Variants in FRK observed in about 807,000 individuals in gnomAD.
FRK encodes the protein tyrosine-protein kinase FRK.
In FRK, 51 loss-of-function variants were observed where a neutral mutation model predicts 56.4. That is an observed-to-expected ratio of 0.90 (90% CI 0.72 to 1.14). The LOEUF (loss-of-function observed/expected upper bound fraction) is 1.14. FRK is among the 50% of genes most tolerant of loss of function. The pLI is 0.00. For missense variants in FRK, 570 were observed against 601.4 expected (o/e 0.95, Z 0.55); for synonymous variants, 245 against 217.9 (o/e 1.12, Z -1.10).
intron 2 of FRK, among the ~76,000 whole-genome samples, chr6:115,982,576 C>G (rs1364695500): frequency 6.6e-6 from 1 of 152,108 alleles, no homozygotes; most frequent in Non-Finnish European, 1.5e-5. Context: ...CCCTTAGTTA[C>G]AGCCTGCACT....
At chr6:116,004,942 G>A (rs933558698) in intron 1 of FRK, among the ~76,000 whole-genome samples, 3 of 151,922 alleles carry the variant, frequency 2.0e-5, no homozygotes, top group Non-Finnish European at 4.4e-5. Context: ...CTTTAAAAAT[G>A]TAAACACTCC....
chr6:116,045,961 C>T, intron 1 of FRK, among the ~76,000 whole-genome samples: 1 of 152,094 alleles, frequency 6.6e-6, no homozygotes, highest in Non-Finnish European at 1.5e-5. Flanking sequence ...AAACAAACAA[C>T]CCCATCAAAA....
chr6:115,992,911 A>G (rs756648380), intron 2 of FRK, among the ~76,000 whole-genome samples: 10 of 151,878 alleles, frequency 6.6e-5, no homozygotes, highest in Non-Finnish European at 1.0e-4. Flanking sequence ...TACCAAAGCA[A>G]TGCATAAACT....
intron 1 of FRK, among the ~76,000 whole-genome samples, chr6:116,009,398 G>C (rs897518683): frequency 6.6e-6 from 1 of 152,198 alleles, no homozygotes; most frequent in Non-Finnish European, 1.5e-5. Context: ...AAGTCCCCCA[G>C]CTGAATCTAA....
chr6:116,092,427 A>G, the FRK span, among the ~76,000 whole-genome samples: 1 of 152,114 alleles, frequency 6.6e-6, no homozygotes, highest in Non-Finnish European at 1.5e-5. Flanking sequence ...TAAGGTCCCA[A>G]TACTAACAGG....
Position 115,931,494 on chromosome 6 carries a change from G to A in FRK, c.*10920C>T, listed in dbSNP as rs745574621. On this transcript the variant is annotated 3_prime_UTR_variant, in exon 8 of 8. Coordinates refer to ENST00000606080, the MANE Select transcript of FRK (RefSeq NM_002031.3). ...TATGTAATATGTGTCACATGTAACTGTACAATATAAATATTAAAGAATACA... is the reference window on the plus strand; with the variant it reads ...TATGTAATATGTGTCACATGTAACTATACAATATAAATATTAAAGAATACA... 2.0e-5 allele frequency: 3 copies of A among 151,972 alleles called. No homozygotes were observed. The highest frequency in any genetic ancestry group is 2.9e-5 in the Non-Finnish European group (2 of 67,966). The allele number at this position is 151,972 out of a possible 1,614,324, so 9.4% of individuals were successfully genotyped here.
chr6:116,075,082 G>A, the FRK span, among the ~76,000 whole-genome samples: 1 of 152,134 alleles, frequency 6.6e-6, no homozygotes, highest in East Asian at 1.9e-4. Context: ...AGGCCCCTCT[G>A]ATTCTCTTTT....
At chr6:115,997,774 T>C (rs543111364) in intron 2 of FRK, among the ~76,000 whole-genome samples, 34 of 152,300 alleles carry the variant, frequency 2.2e-4, no homozygotes, top group Non-Finnish European at 3.8e-4. Context: ...AAGGAGACTG[T>C]GTAGAAAAGA....
At chr6:115,999,676 A>G (rs758307715) in intron 2 of FRK, among the ~76,000 whole-genome samples, 1 of 152,242 alleles carries the variant, frequency 6.6e-6, no homozygotes, top group Non-Finnish European at 1.5e-5. Context: ...AAGACCATCA[A>G]TTCAGACTGA....
At position 115,976,065 on chromosome 6, in the gene FRK, T is replaced by C. The variant is rs749375856; in HGVS notation, c.467-7326A>G. On this transcript the variant is annotated intron_variant, in intron 2 of 7. Coordinates refer to ENST00000606080, the MANE Select transcript of FRK (RefSeq NM_002031.3). Reference sequence around the variant, plus strand: ...ATGAGATCTAGTTGGGGTCTGATGATTTCCGTCCTATTTGCCAAACCCAAG... The same window carrying C: ...ATGAGATCTAGTTGGGGTCTGATGACTTCCGTCCTATTTGCCAAACCCAAG... Among the ~76,000 whole-genome samples the C allele has an allele frequency of 9.7e-4, 148 of 152,080 alleles. 1 individual carries two copies. The highest frequency in any genetic ancestry group is 1.8e-3 in the Non-Finnish European group (125 of 68,006).
chr6:115,977,569 C>T (rs1222804025), intron 2 of FRK, among the ~76,000 whole-genome samples: 1 of 152,090 alleles, frequency 6.6e-6, no homozygotes, highest in South Asian at 2.1e-4. Context: ...ACCAAAAGAG[C>T]TTTTTGAGGA....
chr6:116,052,324 T>C (rs1777210096), intron 1 of FRK, among the ~76,000 whole-genome samples: 2 of 152,168 alleles, frequency 1.3e-5, no homozygotes, highest in Admixed American at 6.6e-5. Context: ...ATGCCTTTAA[T>C]GTAGAATTTT....
chr6:115,986,042 C>T (rs1044445413), intron 2 of FRK, among the ~76,000 whole-genome samples: 1 of 151,000 alleles, frequency 6.6e-6, no homozygotes, highest in Admixed American at 6.6e-5. Flanking sequence ...AATATGTGTA[C>T]AAATTTATGT....
chr6:115,954,779 T>A (rs1772920377), intron 5 of FRK, among the ~76,000 whole-genome samples: 1 of 152,118 alleles, frequency 6.6e-6, no homozygotes, highest in Non-Finnish European at 1.5e-5. Flanking sequence ...TTTGTCCAAA[T>A]GGAAAGGGAA....
chr6:115,974,530 C>A (rs955147776), intron 2 of FRK, among the ~76,000 whole-genome samples: 2 of 152,064 alleles, frequency 1.3e-5, no homozygotes, highest in South Asian at 2.1e-4. Flanking sequence ...AATGGCAGAC[C>A]CAGGTTAAAA....
Position 116,060,372 on chromosome 6 carries a change from C to T in FRK, c.-61G>A. ...CCCTCTCCCCTTAGTCTCTGCGATCCACCTTATCTTCCTTCACCAGGCAAC... is the reference window on the plus strand; with the variant it reads ...CCCTCTCCCCTTAGTCTCTGCGATCTACCTTATCTTCCTTCACCAGGCAAC... On this transcript the variant is annotated 5_prime_UTR_variant, in exon 1 of 8. Transcript: ENST00000606080. 1 of 1,352,034 alleles carries T rather than the reference C, an allele frequency of 7.4e-7. No homozygotes were observed. The highest frequency in any genetic ancestry group is 1.0e-6 in the Non-Finnish European group (1 of 974,166). 83.8% of individuals were successfully genotyped at this position (1,352,034 alleles called of 1,614,324 possible).
chr6:116,011,061 C>T (rs1775450082), intron 1 of FRK, among the ~76,000 whole-genome samples: 1 of 149,794 alleles, frequency 6.7e-6, no homozygotes, highest in East Asian at 1.9e-4. Context: ...ACTGGACGTG[C>T]TTTATTTTAT....
intron 4 of FRK, among the ~76,000 whole-genome samples, chr6:115,966,048 A>G (rs1773556366): frequency 2.4e-4 from 1 of 4,188 alleles, no homozygotes; most frequent in East Asian, 0.026. Flanking sequence ...CTTAAAGTAT[A>G]ATAAAAAAAA....
At chr6:116,075,146 C>T in the FRK span, among the ~76,000 whole-genome samples, 2 of 152,132 alleles carry the variant, frequency 1.3e-5, no homozygotes, top group Non-Finnish European at 2.9e-5. Flanking sequence ...CCAGTTCTTA[C>T]ATGTCACCAT....
Sources: gnomAD v4.1 joint callset for allele counts (sites outside exome capture counted in the v4.1 genomes callset) on GRCh38, gnomAD v4.1.1 for gene constraint, MANE v1.5 for transcripts, NCBI Gene and HGNC (gene_info 2026-07-23, HGNC 2026-07-21) for gene names.